The following PCM1 variants were observed in gnomAD, a reference collection of about 807,000 sequenced individuals.
The protein encoded by PCM1 is pericentriolar material 1 protein.
In PCM1, 157 loss-of-function variants were observed where a neutral mutation model predicts 241.9. That is an observed-to-expected ratio of 0.65 (90% confidence interval 0.57 to 0.74). The LOEUF (loss-of-function observed/expected upper bound fraction) is 0.74, where lower values mean the gene tolerates loss of function less well. Among genes scored for constraint, PCM1 ranks in the 30% least tolerant of loss-of-function variants. The pLI is 0.00. For missense variants in PCM1, 3,478 were observed against 2,360.1 expected (o/e 1.47, Z -9.81); for synonymous variants, 1,085 against 784.9 (o/e 1.38, Z -6.39).
intron 2 of PCM1, 81 bp downstream of exon 2, chr8:17,924,861 C>G (rs1290908396): frequency 1.3e-5 from 2 of 152,198 alleles, no homozygotes; most frequent in Admixed American, 1.3e-4. Flanking sequence ...GTCACAGTTA[C>G]AGTGCATGAC....
At chr8:17,992,478 C>T (rs928114871) in intron 28 of PCM1, among the ~76,000 whole-genome samples, 5 of 152,044 alleles carry the variant, frequency 3.3e-5, no homozygotes, top group African/African-American at 7.2e-5. Context: ...GTAGTTTGTG[C>T]TTTGATTTGC....
chr8:17,929,242 T>C (rs937384000), intron 2 of PCM1, among the ~76,000 whole-genome samples: 9 of 152,344 alleles, frequency 5.9e-5, no homozygotes, highest in Admixed American at 1.3e-4. Flanking sequence ...CACATTCTAC[T>C]TGATACACTT....
intron 36 of PCM1, among the ~76,000 whole-genome samples, chr8:18,020,011 G>T (rs1233379760): frequency 6.6e-6 from 1 of 152,172 alleles, no homozygotes; most frequent in Non-Finnish European, 1.5e-5. Context: ...TTCTCTGCTG[G>T]CTTCCCCCTT....
intron 23 of PCM1, among the ~76,000 whole-genome samples, chr8:17,977,479 G>A (rs2079171490): frequency 6.6e-6 from 1 of 152,164 alleles, no homozygotes; most frequent in Admixed American, 6.6e-5. Context: ...CCTGTGCGGT[G>A]ATCTGGAAGA....
At chr8:17,983,988 T>G (rs1041359223) in intron 24 of PCM1, among the ~76,000 whole-genome samples, 11 of 152,024 alleles carry the variant, frequency 7.2e-5, no homozygotes, top group African/African-American at 2.4e-4. Context: ...CAAGATGGAA[T>G]TAGAGAAACC....
chr8:17,991,528 T>C lies in PCM1; in HGVS notation c.4532-14T>C. On this transcript the variant is annotated splice_polypyrimidine_tract_variant and intron_variant, in intron 27 of 38. Coordinates refer to ENST00000325083, the MANE Select transcript of PCM1 (RefSeq NM_006197.4). Reference sequence around the variant, plus strand: ...CTTTTACATACTCAAAAAATATTTTTGTTCCAAATGTAGGTAACACCGTGA... The same window carrying C: ...CTTTTACATACTCAAAAAATATTTTCGTTCCAAATGTAGGTAACACCGTGA... The C allele has an allele frequency of 6.4e-7, 1 of 1,563,810 alleles. No homozygotes were observed. Among genetic ancestry groups the C allele is most frequent in the African/African-American group, 1.4e-5 (1 of 73,648 alleles).
At chr8:17,936,923 T>C (rs1467325571) in intron 3 of PCM1, among the ~76,000 whole-genome samples, 1 of 152,180 alleles carries the variant, frequency 6.6e-6, no homozygotes, top group African/African-American at 2.4e-5. Flanking sequence ...GAAAATAATC[T>C]CTTTTCAGAA....
intron 6 of PCM1, chr8:17,940,182 A>C: frequency 8.2e-7 from 1 of 1,218,822 alleles, no homozygotes; most frequent in Non-Finnish European, 1.2e-6. Context: ...TGGTAATTAA[A>C]GTGCTGGAAA....
intron 38 of PCM1, among the ~76,000 whole-genome samples, chr8:18,027,103 A>G (rs368010127): frequency 3.9e-5 from 6 of 152,164 alleles, no homozygotes; most frequent in Non-Finnish European, 7.3e-5. Flanking sequence ...AAATTGCATG[A>G]TATCTCATTG....
intron 36 of PCM1, among the ~76,000 whole-genome samples, chr8:18,021,167 C>T (rs535656213): frequency 1.3e-5 from 2 of 152,304 alleles, no homozygotes; most frequent in East Asian, 1.9e-4. Context: ...ATTTCATGCT[C>T]AACAAGGACT....
intron 4 of PCM1, among the ~76,000 whole-genome samples, chr8:17,938,296 G>A (rs2061020003): frequency 6.6e-6 from 1 of 152,028 alleles, no homozygotes; most frequent in Non-Finnish European, 1.5e-5. Flanking sequence ...TAAAAATATT[G>A]TATAAGATTA....
At chr8:17,990,316 A>G (rs1338951792) in intron 27 of PCM1, among the ~76,000 whole-genome samples, 2 of 152,040 alleles carry the variant, frequency 1.3e-5, no homozygotes, top group Non-Finnish European at 2.9e-5. Context: ...AAGGTCATCT[A>G]GTTAATTCAT....
intron 10 of PCM1, 98 bp downstream of exon 10, chr8:17,955,751 T>C: frequency 1.1e-6 from 1 of 922,196 alleles, no homozygotes; most frequent in Non-Finnish European, 1.7e-6. Flanking sequence ...GAGATTTATT[T>C]AATATTGTTG....
In PCM1 at chr8:17,966,047, A is replaced by T; in HGVS notation, c.2904A>T (p.Leu968Phe). Reference protein sequence around the residue: ...PFSADENYRPLAKTRQQNISM... With the variant: ...PFSADENYRPFAKTRQQNISM... ...CGGCAGATGAAAATTATCGTCCTTT[A>T]GCCAAGACAAGGCAACAGAATATCA... The change falls in exon 19 of 39, where the codon TTA becomes TTT. Residue 968 changes from leucine (L) to phenylalanine (F), a missense_variant. Coordinates refer to ENST00000325083, the MANE Select transcript of PCM1 (RefSeq NM_006197.4). 1.2e-6 allele frequency: 2 copies of T among 1,613,694 alleles called. No homozygotes were observed. The highest frequency in any genetic ancestry group is 8.5e-7 in the Non-Finnish European group (1 of 1,179,786).
Position 17,996,499 on chromosome 8 carries a change from G to T in PCM1, c.4827+2880G>T, listed in dbSNP as rs145053393. Among the ~76,000 whole-genome samples, 477 of 151,990 alleles carry T rather than the reference G, an allele frequency of 3.1e-3. 3 individuals carry two copies. Among genetic ancestry groups the T allele is most frequent in the African/African-American group, 0.011 (457 of 41,480 alleles). On this transcript the variant is annotated intron_variant, in intron 29 of 38. Transcript: ENST00000325083. ...TTGGGTTTTTTGTCTTTTTTTCTTAGTCTGGTTAATGGTTTGCCAATTTTA... is the reference window on the plus strand; with the variant it reads ...TTGGGTTTTTTGTCTTTTTTTCTTATTCTGGTTAATGGTTTGCCAATTTTA...
chr8:17,941,313 T>C (rs1422383883), intron 6 of PCM1, among the ~76,000 whole-genome samples: 1 of 152,210 alleles, frequency 6.6e-6, no homozygotes, highest in Non-Finnish European at 1.5e-5. Flanking sequence ...TTCATTGTGA[T>C]GGCAATTTCT....
At chr8:17,946,832 A>AGTGTGTGTGTGTGT (rs368892136) in intron 6 of PCM1, among the ~76,000 whole-genome samples, 142 of 138,370 alleles carry the variant, frequency 1.0e-3, no homozygotes, top group African/African-American at 3.4e-3. Flanking sequence ...TAGATTCTTC[A>AGTGTGTGTGTGTGT]GTGTGTGTGT....
At chr8:17,928,141 C>T (rs956020978) in intron 2 of PCM1, among the ~76,000 whole-genome samples, 4 of 152,170 alleles carry the variant, frequency 2.6e-5, no homozygotes, top group African/African-American at 9.7e-5. Context: ...TTTCAACTTT[C>T]TTATCTTACT....
chr8:17,965,390 A>G (rs1741551706), intron 18 of PCM1, among the ~76,000 whole-genome samples: 2 of 152,238 alleles, frequency 1.3e-5, no homozygotes, highest in African/African-American at 4.8e-5. Context: ...AACAAAAGAC[A>G]TTATCACTTG....
Sources: allele counts gnomAD v4.1 joint callset (sites outside exome capture counted in the v4.1 genomes callset), GRCh38; gene constraint gnomAD v4.1.1; transcripts MANE v1.5; gene names NCBI Gene and HGNC (gene_info 2026-07-23, HGNC 2026-07-21).